Variants in HMOX2 observed in about 807,000 individuals in gnomAD.
HMOX2 encodes heme oxygenase (decycling) 2.
A neutral mutation model predicts 33.7 loss-of-function variants in HMOX2; 30 were observed. The observed-to-expected ratio is 0.89, with a 90% confidence interval of 0.67 to 1.21. The LOEUF (loss-of-function observed/expected upper bound fraction) is 1.21. Among genes scored for constraint, HMOX2 ranks in the 50% most tolerant of loss-of-function variants. The probability of loss-of-function intolerance (pLI) is 0.00; values close to 1 mark genes in which losing one functional copy is unlikely to be tolerated. For synonymous variants in HMOX2, 155 were observed against 155.0 expected (o/e 1.00, Z 0.00); for missense variants, 403 against 399.1 (o/e 1.01, Z -0.08).
intron 1 of HMOX2, among the ~76,000 whole-genome samples, 180 bp from the exon 2 acceptor site, chr16:4,505,304 A>C (rs1213673607): frequency 6.6e-6 from 1 of 152,232 alleles, no homozygotes; most frequent in African/African-American, 2.4e-5. Flanking sequence ...GTTCATATTC[A>C]GATTTTTTCC....
chr16:4,477,960 G>A (rs1345430), intron 1 of HMOX2, among the ~76,000 whole-genome samples: 17,458 of 152,120 alleles, frequency 0.11, 2,091 homozygotes, highest in African/African-American at 0.3. Context: ...CAAAATTTGT[G>A]CTTATCAGGA....
chr16:4,505,487 C>T lies in HMOX2; in HGVS notation c.-38C>T. ...CCAGCTCCTTGTGTCTCTGCAGGAC[C>T]AGAGGAGCGAGAGCAGCAAGAACCA... is the stretch of plus-strand genomic sequence containing the variant. On this transcript the variant is annotated 5_prime_UTR_variant, in exon 2 of 6. Coordinates refer to ENST00000570646, the MANE Select transcript of HMOX2 (RefSeq NM_002134.4). 1 of 1,503,196 alleles carries T rather than the reference C, an allele frequency of 6.7e-7. No individual in the cohort carries two copies. The allele number at this position is 1,503,196 out of a possible 1,614,324, so 93.1% of individuals were successfully genotyped here.
chr16:4,501,583 G>A (rs1290732173), intron 1 of HMOX2, among the ~76,000 whole-genome samples: 2 of 152,004 alleles, frequency 1.3e-5, no homozygotes, highest in East Asian at 1.9e-4. Context: ...TCTCTTTTGT[G>A]GGGGTGGGGA....
chr16:4,476,963 A>G (rs973646047), intron 1 of HMOX2, among the ~76,000 whole-genome samples: 5 of 152,062 alleles, frequency 3.3e-5, no homozygotes, highest in African/African-American at 2.4e-5. Flanking sequence ...CCCTTCCTCT[A>G]ATGCCCTTAT....
chr16:4,500,977 C>T (rs2058543916), intron 1 of HMOX2, among the ~76,000 whole-genome samples: 1 of 151,988 alleles, frequency 6.6e-6, no homozygotes, highest in South Asian at 2.1e-4. Context: ...ACAGAGGGTC[C>T]CAGTTTTTTG....
intron 1 of HMOX2, among the ~76,000 whole-genome samples, chr16:4,482,954 C>G (rs554181080): frequency 6.5e-4 from 99 of 152,144 alleles, no homozygotes; most frequent in African/African-American, 2.1e-3. Context: ...CGCTTGGACC[C>G]TGGGGGCAGA....
At chr16:4,478,367 C>G (rs1285345162) in intron 1 of HMOX2, among the ~76,000 whole-genome samples, 2 of 152,174 alleles carry the variant, frequency 1.3e-5, no homozygotes, top group Non-Finnish European at 2.9e-5. Flanking sequence ...CTTTTAACAG[C>G]TGACTCTCTT....
chr16:4,476,207 T>G (rs1195167492), upstream of HMOX2: 1 of 152,296 alleles, frequency 6.6e-6, no homozygotes, highest in Admixed American at 6.5e-5. Flanking sequence ...TTGTGAACAC[T>G]AGTGTTCCTG....
chr16:4,501,272 CTT>C (rs1407651693), intron 1 of HMOX2, among the ~76,000 whole-genome samples: 4 of 152,192 alleles, frequency 2.6e-5, no homozygotes, highest in Non-Finnish European at 4.4e-5. Context: ...AAATTTCCCA[CTT>C]GTCATTATCA....
chr16:4,490,226 A>G (rs8055559), intron 1 of HMOX2, among the ~76,000 whole-genome samples: 17,221 of 152,226 alleles, frequency 0.11, 2,032 homozygotes, highest in African/African-American at 0.29. Context: ...ATTTTTAGAA[A>G]CAGCACAAGC....
intron 1 of HMOX2, among the ~76,000 whole-genome samples, chr16:4,491,225 A>G (rs1248391401): frequency 6.6e-6 from 1 of 152,206 alleles, no homozygotes; most frequent in Non-Finnish European, 1.5e-5. Context: ...CTCTAAAGAA[A>G]CAAAAGTGTG....
chr16:4,477,264 C>T (rs182863871), intron 1 of HMOX2, among the ~76,000 whole-genome samples: 1 of 152,092 alleles, frequency 6.6e-6, no homozygotes, highest in Non-Finnish European at 1.5e-5. Context: ...TTTGGGAGGC[C>T]AGGGCGGGCG....
chr16:4,507,837 C>A lies in HMOX2; in HGVS notation c.329C>A (p.Thr110Asn). Residue 110 changes from threonine to asparagine, a missense_variant, in exon 4 of 6, where the codon ACC becomes AAC. Thr to Asn is a moderately conservative substitution (Grantham distance 65). Coordinates refer to ENST00000570646, the MANE Select transcript of HMOX2 (RefSeq NM_002134.4). ...PMELHRKEALTKDMEYFFGEN... is the reference protein window; with the variant it reads ...PMELHRKEALNKDMEYFFGEN... ...GAGCTGCACCGGAAGGAGGCGCTGA[C>A]CAAGGACATGGAGTATTTCTTTGGT... The A allele has an allele frequency of 6.2e-7, 1 of 1,614,212 alleles. No individual in the cohort carries two copies. The highest frequency in any genetic ancestry group is 8.5e-7 in the Non-Finnish European group (1 of 1,180,054).
chr16:4,504,682 CTTTTTTTTTTTTTTTTT>C (rs56922429), intron 1 of HMOX2, among the ~76,000 whole-genome samples: 1 of 65,840 alleles, frequency 1.5e-5, no homozygotes, highest in Non-Finnish European at 2.7e-5. Context: ...TTGATACGGT[CTTTTTTTTTTTTTTTTT>C]TTTTTTTTTA....
intron 1 of HMOX2, among the ~76,000 whole-genome samples, chr16:4,485,186 G>GA (rs1321230091): frequency 6.6e-6 from 1 of 152,048 alleles, no homozygotes; most frequent in Admixed American, 6.6e-5. Context: ...GGCTGATCTC[G>GA]AACTCCTGAC....
chr16:4,499,130 G>C (rs1255063155), intron 1 of HMOX2, among the ~76,000 whole-genome samples: 1 of 152,184 alleles, frequency 6.6e-6, no homozygotes. Context: ...TGGATTTCTT[G>C]TTCTTCCTCA....
rs1354699007 is a variant in HMOX2, at chr16:4,508,020, C to T, written c.512C>T (p.Ala171Val). The T allele has an allele frequency of 6.2e-7, 1 of 1,613,906 alleles. No individual in the cohort carries two copies. Among genetic ancestry groups the T allele is most frequent in the South Asian group, 1.1e-5 (1 of 91,058 alleles). Residue 171 changes from alanine (A) to valine (V), a missense_variant, in exon 4 of 6, where the codon GCC becomes GTC. Coordinates refer to ENST00000570646, the MANE Select transcript of HMOX2 (RefSeq NM_002134.4). ...LSGGQVLKKVAQRALKLPSTG... is the reference protein window; with the variant it reads ...LSGGQVLKKVVQRALKLPSTG... ...GGGGGCCAGGTGCTGAAGAAGGTGG[C>T]CCAGCGAGCACTGAAACTCCCCAGC...
intron 1 of HMOX2, among the ~76,000 whole-genome samples, chr16:4,481,348 CAA>C (rs60035479): frequency 7.5e-4 from 85 of 114,032 alleles, no homozygotes; most frequent in East Asian, 1.0e-3. Context: ...GACTCCGTCT[CAA>C]AAAAAAAAAA....
At chr16:4,501,595 C>T (rs1041326809) in intron 1 of HMOX2, among the ~76,000 whole-genome samples, 4 of 152,030 alleles carry the variant, frequency 2.6e-5, no homozygotes, top group African/African-American at 9.7e-5. Flanking sequence ...GGGTGGGGAA[C>T]ATGTAGCTTC....
Sources: gnomAD v4.1 joint callset for allele counts (sites outside exome capture counted in the v4.1 genomes callset) on GRCh38, gnomAD v4.1.1 for gene constraint, MANE v1.5 for transcripts, NCBI Gene and HGNC (gene_info 2026-07-23, HGNC 2026-07-21) for gene names.